Variants in ITPR1 observed in about 807,000 individuals in gnomAD.
The protein encoded by ITPR1 is inositol 1,4,5-trisphosphate receptor type 1.
ITPR1 carries 96 observed loss-of-function variants against 318.4 expected under a neutral mutation model. The observed-to-expected ratio is 0.30, with a 90% CI of 0.26 to 0.36. ITPR1 has a LOEUF of 0.36. ITPR1 is among the 10% of genes least tolerant of loss of function. The pLI is 1.00. For missense variants in ITPR1, 2,440 were observed against 3,460.2 expected, an observed-to-expected ratio of 0.71 and a Z score of 7.40; for synonymous variants, 1,312 against 1,289.9, an observed-to-expected ratio of 1.02 and a Z score of -0.37.
chr3:4,657,710 T>A (rs549014830), intron 12 of ITPR1, among the ~76,000 whole-genome samples: 9 of 66 alleles, frequency 0.14, no homozygotes, highest in African/African-American at 0.32. Flanking sequence ...GTGATCTGCC[T>A]GCCTTGGCCC....
intron 4 of ITPR1, among the ~76,000 whole-genome samples, chr3:4,535,329 A>T (rs2083757424): frequency 6.6e-6 from 1 of 152,210 alleles, no homozygotes; most frequent in Non-Finnish European, 1.5e-5. Context: ...GGTACAAACT[A>T]ACAAGGCAAG....
At chr3:4,678,502 C>T (rs2094230047) in intron 24 of ITPR1, among the ~76,000 whole-genome samples, 1 of 152,132 alleles carries the variant, frequency 6.6e-6, no homozygotes, top group Non-Finnish European at 1.5e-5. Context: ...CTTATTGACT[C>T]CCTACCATGT....
intron 54 of ITPR1, 33 bp from the exon 55 acceptor site, chr3:4,806,070 G>C (rs149740975): frequency 1.3e-6 from 2 of 1,591,406 alleles, no homozygotes; most frequent in African/African-American, 2.7e-5. Context: ...GGCACAGTCC[G>C]TGCCATCTGA....
intron 5 of ITPR1, among the ~76,000 whole-genome samples, chr3:4,634,918 T>A (rs1272236675): frequency 6.6e-6 from 1 of 152,174 alleles, no homozygotes; most frequent in Non-Finnish European, 1.5e-5. Flanking sequence ...TTTGGGGGTA[T>A]TTTTAGTAGA....
At chr3:4,711,732 A>G (rs1453022611) in intron 38 of ITPR1, 25 bp from the exon 39 acceptor site, 6 of 1,228,482 alleles carry the variant, frequency 4.9e-6, no homozygotes, top group African/African-American at 1.5e-5. Flanking sequence ...TCAAGGAAGT[A>G]ATCCGTGGTT....
At position 4,555,826 on chromosome 3, in the gene ITPR1, C is replaced by T. The variant is rs144500250; in HGVS notation, c.163+34732C>T. On this transcript the variant is annotated intron_variant, in intron 4 of 61. Transcript: ENST00000649015. ...TTCTAAATGCTGTACAAGTATTAACCAATTTAATCCTTGTTACTGCATAAG... is the reference window on the plus strand; with the variant it reads ...TTCTAAATGCTGTACAAGTATTAACTAATTTAATCCTTGTTACTGCATAAG... Among the ~76,000 whole-genome samples, 22 of 152,254 alleles carry T rather than the reference C, an allele frequency of 1.4e-4. No homozygotes were observed. In the East Asian group the frequency reaches 3.5e-3, roughly 24 times the overall value.
chr3:4,620,626 A>T (rs939436463), intron 4 of ITPR1, among the ~76,000 whole-genome samples: 85 of 143,232 alleles, frequency 5.9e-4, no homozygotes, highest in Admixed American at 1.2e-3. Flanking sequence ...GGGAAGATTG[A>T]TTTGGGTTTT....
intron 4 of ITPR1, among the ~76,000 whole-genome samples, chr3:4,590,692 T>C (rs1318349485): frequency 2.0e-5 from 3 of 152,132 alleles, no homozygotes; most frequent in East Asian, 3.8e-4. Flanking sequence ...TGTGCCAGCA[T>C]GCCCAGCTCA....
At chr3:4,560,029 C>T (rs2086518584) in intron 4 of ITPR1, among the ~76,000 whole-genome samples, 1 of 152,184 alleles carries the variant, frequency 6.6e-6, no homozygotes, top group South Asian at 2.1e-4. Flanking sequence ...ACTTGCTTAA[C>T]CTCTCTATGT....
intron 53 of ITPR1, chr3:4,799,754 G>A (rs1287797517): frequency 1.3e-5 from 2 of 152,168 alleles, no homozygotes; most frequent in African/African-American, 4.8e-5. Context: ...AGCAAGAGAT[G>A]ACAAAAATTG....
chr3:4,739,943 T>C lies in ITPR1; in HGVS notation c.5544+4589T>C, dbSNP rs1011156589. 2.0e-5 allele frequency among the ~76,000 whole-genome samples: 3 copies of C among 152,142 alleles called. No individual in the cohort carries two copies. The East Asian group carries it at 5.8e-4, about 29-fold the overall frequency. ...TGTGTGGTTTGGGCTTCTTAGAACA[T>C]GGTGACTGGGTTCTGAGAAACAGTG... On this transcript the variant is annotated intron_variant, in intron 44 of 61. Coordinates refer to ENST00000649015, the MANE Select transcript of ITPR1 (RefSeq NM_001378452.1).
chr3:4,735,095 G>T, intron 43 of ITPR1, 69 bp from the exon 44 acceptor site: 2 of 1,226,146 alleles, frequency 1.6e-6, no homozygotes, highest in Non-Finnish European at 2.4e-6. Context: ...GTGTTGGTGC[G>T]TAGTAAGTAT....
Position 4,711,823 on chromosome 3 carries a change from G to A in ITPR1, c.5058G>A (p.Gln1686=). 1 of 1,548,304 alleles carries A rather than the reference G, an allele frequency of 6.5e-7. No homozygotes were observed. The highest frequency in any genetic ancestry group is 8.7e-7 in the Non-Finnish European group (1 of 1,144,790). ...NEEKLCIKVL[Q]TLREMMTKDR... is the part of the protein sequence containing the mutation. The stretch of plus-strand genomic sequence containing the variant: ...AGAAGCTCTGCATTAAGGTCCTACA[G>A]ACCCTGAGGGAAATGATGACCAAAG... Residue 1686 remains glutamine, a synonymous_variant, in exon 39 of 62, where the codon CAG becomes CAA. Transcript: ENST00000649015.
intron 4 of ITPR1, among the ~76,000 whole-genome samples, chr3:4,525,574 A>G (rs1049561001): frequency 2.6e-5 from 4 of 152,192 alleles, no homozygotes; most frequent in African/African-American, 9.7e-5. Flanking sequence ...TGAATTTTGG[A>G]CAATATCATT....
intron 30 of ITPR1, among the ~76,000 whole-genome samples, chr3:4,688,237 T>G (rs1012452748): frequency 6.9e-5 from 10 of 145,648 alleles, no homozygotes; most frequent in African/African-American, 2.5e-4. Context: ...TGCTGGATAA[T>G]GGACTCATGG....
chr3:4,622,109 CTTTTTTT>C (rs894926425), intron 4 of ITPR1, among the ~76,000 whole-genome samples: 2 of 105,828 alleles, frequency 1.9e-5, no homozygotes, highest in Admixed American at 1.1e-4. Flanking sequence ...ACATAGTAGA[CTTTTTTT>C]TTTTTTTTTT....
intron 2 of ITPR1, among the ~76,000 whole-genome samples, chr3:4,504,292 A>T (rs146301106): frequency 2.0e-5 from 3 of 152,204 alleles, no homozygotes; most frequent in African/African-American, 4.8e-5. Context: ...TTGTGTGTGT[A>T]TGTGTGTTGC....
At chr3:4,682,505 G>A (rs1179305022) in intron 26 of ITPR1, among the ~76,000 whole-genome samples, 1 of 152,180 alleles carries the variant, frequency 6.6e-6, no homozygotes, top group Non-Finnish European at 1.5e-5. Context: ...GCCCACCAGT[G>A]TTAATAGTCT....
intron 3 of ITPR1, among the ~76,000 whole-genome samples, chr3:4,517,088 A>G (rs982828228): frequency 2.0e-5 from 3 of 152,218 alleles, no homozygotes; most frequent in Non-Finnish European, 2.9e-5. Flanking sequence ...TAAATTGCAT[A>G]AAGTTCTATA....
Sources: gnomAD v4.1 joint callset for allele counts (sites outside exome capture counted in the v4.1 genomes callset) on GRCh38, gnomAD v4.1.1 for gene constraint, MANE v1.5 for transcripts, NCBI Gene and HGNC (gene_info 2026-07-23, HGNC 2026-07-21) for gene names.